The following PPP6R1 variants were observed in gnomAD, a reference collection of about 807,000 sequenced individuals.
PPP6R1 encodes serine/threonine-protein phosphatase 6 regulatory subunit 1.
PPP6R1 carries 39 observed loss-of-function variants against 104.6 expected under a neutral mutation model. That is an observed-to-expected ratio of 0.37 (90% CI 0.29 to 0.49). PPP6R1 has a LOEUF of 0.49. PPP6R1 is among the 20% of genes least tolerant of loss of function. The pLI is 0.98. For missense variants in PPP6R1, 1,181 were observed against 1,155.8 expected (o/e 1.02, Z -0.32); for synonymous variants, 549 against 479.0 (o/e 1.15, Z -1.91).
intron 1 of PPP6R1, among the ~76,000 whole-genome samples, chr19:55,256,712 G>A (rs1252151572): frequency 1.3e-5 from 2 of 152,316 alleles, no homozygotes; most frequent in Middle Eastern, 3.4e-3. Flanking sequence ...AATTGAGCAA[G>A]CATTGCAGGA....
In PPP6R1 at chr19:55,240,348, T is replaced by G. The variant is rs768386231; in HGVS notation, c.1297-48A>C. On this transcript the variant is annotated intron_variant, in intron 10 of 23. Coordinates refer to ENST00000412770, the MANE Select transcript of PPP6R1 (RefSeq NM_014931.4). ...GGCCTGGAGGGGTGGTCTGCACACA[T>G]GTGGGGAGCTCTGCACTGCAGCAGG... 8 of 1,392,934 alleles carry G rather than the reference T, an allele frequency of 5.7e-6. No individual in the cohort carries two copies. The African/African-American group carries it at 9.8e-5, about 17-fold the overall frequency. 86.3% of individuals were successfully genotyped at this position (1,392,934 alleles called of 1,614,324 possible).
chr19:55,228,597 A>G, downstream of PPP6R1: 11 of 1,533,886 alleles, frequency 7.2e-6, no homozygotes, highest in Non-Finnish European at 7.0e-6. Flanking sequence ...CCAGGGCCCA[A>G]CCAACTCAAG....
At position 55,231,647 on chromosome 19, in the gene PPP6R1, G is replaced by T. The variant is rs765854829; in HGVS notation, c.2328C>A (p.Pro776=). 1.2e-6 allele frequency: 2 copies of T among 1,609,786 alleles called. No homozygotes were observed. The highest frequency in any genetic ancestry group is 1.1e-5 in the South Asian group (1 of 90,336). Residue 776 remains proline, a synonymous_variant, in exon 20 of 24, where the codon CCC becomes CCA. Transcript: ENST00000412770. ...LQLRSQDPTP[P]SAPQEATEGS... ...CTTCTGTGGCTTCCTGAGGTGCTGA[G>T]GGGGGTGTGGGGTCCTGAGACCTGG...
chr19:55,230,738 A>ACCCCCCC, intron 22 of PPP6R1, 36 bp downstream of exon 22: 1 of 925,650 alleles, frequency 1.1e-6, no homozygotes, highest in Non-Finnish European at 1.6e-6. Flanking sequence ...CACCAGCCCC[A>ACCCCCCC]CCCCCACCCC....
chr19:55,228,834 G>C, downstream of PPP6R1: 4 of 1,317,862 alleles, frequency 3.0e-6, no homozygotes, highest in Non-Finnish European at 4.3e-6. Flanking sequence ...AACCCAAGGA[G>C]CGTCCTGTGG....
chr19:55,231,743 T>C (rs2087349592), intron 19 of PPP6R1, 59 bp downstream of exon 19: 1 of 1,499,468 alleles, frequency 6.7e-7, no homozygotes, highest in Non-Finnish European at 8.9e-7. Context: ...GGGGACCCCA[T>C]GGCCACCTCC....
intron 12 of PPP6R1, 36 bp downstream of exon 12, chr19:55,239,963 C>A (rs2087436035): frequency 1.2e-6 from 2 of 1,611,736 alleles, no homozygotes; most frequent in Admixed American, 3.4e-5. Flanking sequence ...CTTCAAGCCC[C>A]CCACCTAGCC....
intron 1 of PPP6R1, among the ~76,000 whole-genome samples, chr19:55,251,023 G>A (rs1490300997): frequency 6.6e-6 from 1 of 152,180 alleles, no homozygotes; most frequent in Non-Finnish European, 1.5e-5. Context: ...GTCTACCCCA[G>A]CGACTTTGTC....
chr19:55,242,435 C>T lies in PPP6R1; in HGVS notation c.672G>A (p.Glu224=). The change falls in exon 6 of 24, where the codon GAG becomes GAA. Residue 224 remains glutamate, a synonymous_variant. Coordinates refer to ENST00000412770, the MANE Select transcript of PPP6R1 (RefSeq NM_014931.4). ...SLCDIIRLSR[E]QMIQVQDSPE... is the part of the protein sequence containing the mutation. ...GGCTGTCCTGGACTTGGATCATCTGCTCCCGGCTCAGGCGGATGATGTCAC... is the reference window on the plus strand; with the variant it reads ...GGCTGTCCTGGACTTGGATCATCTGTTCCCGGCTCAGGCGGATGATGTCAC... The T allele has an allele frequency of 6.2e-7, 1 of 1,614,038 alleles. No individual in the cohort carries two copies. Among genetic ancestry groups the T allele is most frequent in the African/African-American group, 1.3e-5 (1 of 75,060 alleles).
chr19:55,239,709 CCTG>C lies in PPP6R1; in HGVS notation c.1564-29_1564-27del, dbSNP rs1040566871. On this transcript the variant is annotated intron_variant, in intron 13 of 23. Coordinates refer to ENST00000412770, the MANE Select transcript of PPP6R1 (RefSeq NM_014931.4). ...CTGGGGAGAGGAGGGGGCGTCAGGG[CCTG>C]CTGGAGCCCCCAGACCAGGGTGGGC... 10 of 1,594,228 alleles carry C rather than the reference CCTG, an allele frequency of 6.3e-6. No individual in the cohort carries two copies. In the African/African-American group the frequency reaches 1.3e-4, roughly 21 times the overall value.
At chr19:55,248,794 C>A (rs1435895562) in intron 1 of PPP6R1, among the ~76,000 whole-genome samples, 1 of 152,242 alleles carries the variant, frequency 6.6e-6, no homozygotes. Flanking sequence ...CCTGGGCTGA[C>A]AAAACGCAGG....
At chr19:55,253,481 C>G (rs1470972042) in intron 1 of PPP6R1, among the ~76,000 whole-genome samples, 1 of 152,210 alleles carries the variant, frequency 6.6e-6, no homozygotes, top group Non-Finnish European at 1.5e-5. Context: ...CCCCAGACAA[C>G]TGGGGCAGGG....
downstream of PPP6R1, chr19:55,228,571 G>A: frequency 6.6e-7 from 1 of 1,520,192 alleles, no homozygotes; most frequent in Admixed American, 2.0e-5. Context: ...GGACCAGGCT[G>A]CCAGAACCCA....
chr19:55,244,877 G>A (rs752886329), intron 5 of PPP6R1, among the ~76,000 whole-genome samples: 2 of 151,978 alleles, frequency 1.3e-5, no homozygotes, highest in African/African-American at 4.8e-5. Context: ...CCAAGTAGCT[G>A]GGACTACAGG....
Position 55,245,619 on chromosome 19 carries a change from A to G in PPP6R1, c.287T>C (p.Leu96Pro). ...TSDVPQINDA[L>P]GADESLLNRL... ...GTTCAGAAGGGACTCATCAGCACCC[A>G]GGGCATCATTGATCTGGGGCACATC... The change falls in exon 3 of 24, where the codon CTG (leucine) becomes CCG (proline). Residue 96 changes from leucine to proline, a missense_variant. By Grantham distance (98) the Leu-to-Pro change is moderately conservative (BLOSUM62 -3). Coordinates refer to ENST00000412770, the MANE Select transcript of PPP6R1 (RefSeq NM_014931.4). The surrounding 1 kb of genome is among the most constrained non-coding windows in gnomAD (Gnocchi z 6.4). The G allele has an allele frequency of 6.2e-7, 1 of 1,611,604 alleles. No homozygotes were observed. The highest frequency in any genetic ancestry group is 8.5e-7 in the Non-Finnish European group (1 of 1,179,716).
chr19:55,249,488 A>G (rs2087536573), intron 1 of PPP6R1, among the ~76,000 whole-genome samples: 1 of 151,994 alleles, frequency 6.6e-6, no homozygotes, highest in African/African-American at 2.4e-5. Context: ...TGATCCGCCC[A>G]CCTGGGCCTC....
At chr19:55,256,510 AAAT>A (rs1202533954) in intron 1 of PPP6R1, among the ~76,000 whole-genome samples, 12 of 152,352 alleles carry the variant, frequency 7.9e-5, no homozygotes, top group African/African-American at 2.6e-4. Context: ...TTCCCAAATC[AAAT>A]AATAATCGAA....
In PPP6R1 at chr19:55,245,084, C is replaced by CT. The variant is rs1340491582; in HGVS notation, c.618+35dup. 1.2e-6 allele frequency: 2 copies of CT among 1,608,788 alleles called. No individual in the cohort carries two copies. The highest frequency in any genetic ancestry group is 2.2e-5 in the East Asian group (1 of 44,734). On this transcript the variant is annotated intron_variant, in intron 5 of 23. Transcript: ENST00000412770. The surrounding 1 kb of genome is among the most constrained non-coding windows in gnomAD (Gnocchi z 6.4). The stretch of plus-strand genomic sequence containing the variant: ...GGGAAGTGGGCATGGGGAAGGAACT[C>CT]TAAGGGGAATCCGCAGGGGCATCGG...
chr19:55,257,895 G>A (rs1043324431), intron 1 of PPP6R1, among the ~76,000 whole-genome samples: 3 of 152,260 alleles, frequency 2.0e-5, no homozygotes, highest in Non-Finnish European at 4.4e-5. Context: ...CTGCTCCAGA[G>A]AAGCCCCGCT....
Sources: gnomAD v4.1 joint callset for allele counts (sites outside exome capture counted in the v4.1 genomes callset) on GRCh38, gnomAD v4.1.1 for gene constraint, Gnocchi (gnomAD v3.1) non-coding constraint, MANE v1.5 for transcripts, NCBI Gene and HGNC (gene_info 2026-07-23, HGNC 2026-07-21) for gene names.